PROCR: variants seen among roughly 807,000 people sequenced by gnomAD.
PROCR encodes protein C receptor.
A neutral mutation model predicts 24.2 loss-of-function variants in PROCR; 22 were observed. That is an observed-to-expected ratio of 0.91 (90% CI 0.65 to 1.30). PROCR has a LOEUF of 1.30. PROCR is among the 50% of genes most tolerant of loss of function. The pLI is 0.00. For missense variants in PROCR, 288 were observed against 307.7 expected, an observed-to-expected ratio of 0.94 and a Z score of 0.48; for synonymous variants, 137 against 139.2, an observed-to-expected ratio of 0.98 and a Z score of 0.11.
chr20:35,174,980 G>A lies in PROCR; in HGVS notation c.322+27G>A, dbSNP rs777027265. On this transcript the variant is annotated intron_variant, in intron 2 of 3. Transcript: ENST00000216968. ...TGAGTAGGCGCGCAGCGGGGGCGGG[G>A]TCTGGGCGGGGCTAGTGGGGGCGGG... 2.6e-5 allele frequency: 34 copies of A among 1,310,112 alleles called. No individual in the cohort carries two copies. The South Asian group carries it at 4.4e-4, about 17-fold the overall frequency. 81.2% of individuals were successfully genotyped at this position (1,310,112 alleles called of 1,614,324 possible).
downstream of PROCR, among the ~76,000 whole-genome samples, chr20:35,181,722 C>T (rs2086080915): frequency 6.6e-6 from 1 of 152,234 alleles, no homozygotes; most frequent in Non-Finnish European, 1.5e-5. Context: ...AACGGAACGC[C>T]TCCTGCTTTC....
downstream of PROCR, chr20:35,177,433 C>G: frequency 1.3e-6 from 1 of 757,208 alleles, no homozygotes; most frequent in Non-Finnish European, 1.6e-6. Flanking sequence ...TTCCTTATTT[C>G]TCACTCATTC....
At chr20:35,174,425 G>C (rs2085984383) in intron 1 of PROCR, 2 of 508,912 alleles carry the variant, frequency 3.9e-6, no homozygotes, top group Admixed American at 3.2e-5. Context: ...GGAAACGGGG[G>C]GAGGGAGAGC....
intron 1 of PROCR, among the ~76,000 whole-genome samples, chr20:35,184,087 C>T (rs2086102317): frequency 6.6e-6 from 1 of 152,168 alleles, no homozygotes; most frequent in South Asian, 2.1e-4. Context: ...AAAGAGCCCA[C>T]ATGGCCAAAG....
At chr20:35,199,240 A>T (rs993298636) in intron 1 of PROCR, among the ~76,000 whole-genome samples, 14 of 152,220 alleles carry the variant, frequency 9.2e-5, no homozygotes, top group African/African-American at 3.4e-4. Context: ...ATCTGTTCAT[A>T]GCATGGTTTA....
In PROCR at chr20:35,177,267, C is replaced by T; in HGVS notation, c.*454C>T. The T allele has an allele frequency of 5.9e-6, 6 of 1,008,514 alleles. No homozygotes were observed. The highest frequency in any genetic ancestry group is 7.1e-6 in the Non-Finnish European group (6 of 842,538). 62.5% of individuals were successfully genotyped at this position (1,008,514 alleles called of 1,614,324 possible). ...GATATAATAGGGTAGAAAGAAGTAACACGAAGAAGTGGTGGAAATGTAAAA... is the reference window on the plus strand; with the variant it reads ...GATATAATAGGGTAGAAAGAAGTAATACGAAGAAGTGGTGGAAATGTAAAA... On this transcript the variant is annotated 3_prime_UTR_variant, in exon 4 of 4. Coordinates refer to ENST00000216968, the MANE Select transcript of PROCR (RefSeq NM_006404.5).
intron 1 of PROCR, among the ~76,000 whole-genome samples, chr20:35,204,561 A>G (rs1207306048): frequency 6.6e-6 from 1 of 151,832 alleles, no homozygotes; most frequent in Non-Finnish European, 1.5e-5. Flanking sequence ...TTTTTAGTAG[A>G]GATGGGTTTT....
At chr20:35,172,562 T>C (rs1322328754) in intron 1 of PROCR, among the ~76,000 whole-genome samples, 1 of 151,516 alleles carries the variant, frequency 6.6e-6, no homozygotes, top group African/African-American at 2.4e-5. Flanking sequence ...GGGGTACATC[T>C]AGGGGAGACG....
chr20:35,184,569 G>C (rs1201034765), intron 1 of PROCR, among the ~76,000 whole-genome samples: 1 of 152,082 alleles, frequency 6.6e-6, no homozygotes, highest in Non-Finnish European at 1.5e-5. Flanking sequence ...GCGTGGTGGC[G>C]GGCGCCTGTA....
At chr20:35,186,971 A>G (rs1454560927) in intron 1 of PROCR, among the ~76,000 whole-genome samples, 1 of 152,108 alleles carries the variant, frequency 6.6e-6, no homozygotes, top group Non-Finnish European at 1.5e-5. Flanking sequence ...AAAAGAAAAA[A>G]AAATAGCAAT....
At chr20:35,172,636 G>T (rs1357350320) in intron 1 of PROCR, among the ~76,000 whole-genome samples, 2 of 152,094 alleles carry the variant, frequency 1.3e-5, no homozygotes, top group African/African-American at 4.8e-5. Context: ...ACTGATGGAA[G>T]AAGTGGGGGA....
intron 1 of PROCR, among the ~76,000 whole-genome samples, chr20:35,183,052 T>G (rs531388684): frequency 1.3e-5 from 2 of 152,286 alleles, no homozygotes; most frequent in African/African-American, 4.8e-5. Context: ...TAGCTATCAT[T>G]TACATATTGC....
At chr20:35,173,423 CTT>C (rs58785250) in intron 1 of PROCR, among the ~76,000 whole-genome samples, 4,296 of 87,984 alleles carry the variant, frequency 0.049, 214 homozygotes, top group African/African-American at 0.16. Context: ...TTTCTTTTTT[CTT>C]TTTTTTTTTT....
intron 1 of PROCR, among the ~76,000 whole-genome samples, chr20:35,209,277 G>T (rs1410950848): frequency 6.6e-6 from 1 of 152,142 alleles, no homozygotes; most frequent in African/African-American, 2.4e-5. Flanking sequence ...CAGGTCTCTG[G>T]CATGAACAAC....
chr20:35,177,060 A>G lies in PROCR; in HGVS notation c.*247A>G. 1.5e-6 allele frequency: 2 copies of G among 1,294,290 alleles called. No individual in the cohort carries two copies. The highest frequency in any genetic ancestry group is 2.0e-6 in the Non-Finnish European group (2 of 1,011,210). The allele number at this position is 1,294,290 out of a possible 1,614,324, so 80.2% of individuals were successfully genotyped here. On this transcript the variant is annotated 3_prime_UTR_variant, in exon 4 of 4. Transcript: ENST00000216968. ...TTTGCTGAATTAGTCTGATAAGTGA[A>G]TGTTTATCTATCTTTGTGGAAAACA...
At chr20:35,205,074 A>C (rs2060332863) in intron 1 of PROCR, among the ~76,000 whole-genome samples, 1 of 151,934 alleles carries the variant, frequency 6.6e-6, no homozygotes, top group Non-Finnish European at 1.5e-5. Flanking sequence ...AGAGTTTGAG[A>C]CCAGCCTGGC....
chr20:35,189,234 T>C (rs139426882), intron 1 of PROCR, among the ~76,000 whole-genome samples: 3,477 of 145,554 alleles, frequency 0.024, 50 homozygotes, highest in Admixed American at 0.03. Flanking sequence ...GGAATATTAA[T>C]AATTAACAGC....
chr20:35,173,086 A>G (rs889251864), intron 1 of PROCR, among the ~76,000 whole-genome samples: 1 of 152,152 alleles, frequency 6.6e-6, no homozygotes, highest in Non-Finnish European at 1.5e-5. Context: ...ACAAAGCACA[A>G]CTTCTCAAAT....
chr20:35,172,105 C>G lies in PROCR; in HGVS notation c.-50C>G. 1 of 1,583,052 alleles carries G rather than the reference C, an allele frequency of 6.3e-7. No homozygotes were observed. Among genetic ancestry groups the G allele is most frequent in the Non-Finnish European group, 8.7e-7 (1 of 1,151,906 alleles). ...TTTCCCTAGACTGCAGCCAGCGGAG[C>G]CCGCAGCCGGCCCGAGCCAGGAACC... On this transcript the variant is annotated 5_prime_UTR_variant, in exon 1 of 4. Coordinates refer to ENST00000216968, the MANE Select transcript of PROCR (RefSeq NM_006404.5).
Sources: gnomAD v4.1 joint callset for allele counts (sites outside exome capture counted in the v4.1 genomes callset) on GRCh38, gnomAD v4.1.1 for gene constraint, MANE v1.5 for transcripts, NCBI Gene and HGNC (gene_info 2026-07-23, HGNC 2026-07-21) for gene names.